The following PIAS1 variants were observed in gnomAD, a reference collection of about 807,000 sequenced individuals.
PIAS1 encodes the protein E3 SUMO-protein ligase PIAS1.
PIAS1 carries 6 observed loss-of-function variants against 71.3 expected under a neutral mutation model. The ratio of observed to expected loss-of-function variants is 0.08; its 90% CI spans 0.05 to 0.17. PIAS1 has a LOEUF of 0.17. Among genes scored for constraint, PIAS1 ranks in the 10% least tolerant of loss-of-function variants. The pLI is 1.00. For synonymous variants in PIAS1, 303 were observed against 292.9 expected (o/e 1.03, Z -0.35); for missense variants, 555 against 793.6 (o/e 0.70, Z 3.61).
intron 12 of PIAS1, among the ~76,000 whole-genome samples, chr15:68,183,071 C>T (rs1567081359): frequency 6.6e-6 from 1 of 152,216 alleles, no homozygotes; most frequent in Non-Finnish European, 1.5e-5. Context: ...AGCAGAACTA[C>T]TCCTTCTTAT....
chr15:68,145,668 C>A (rs2092803062), intron 4 of PIAS1, 148 bp from the exon 5 acceptor site: 1 of 574,826 alleles, frequency 1.7e-6, no homozygotes, highest in African/African-American at 1.9e-5. Context: ...TTTACATATA[C>A]TTATTAATAG....
intron 1 of PIAS1, among the ~76,000 whole-genome samples, chr15:68,081,462 G>A (rs1249965448): frequency 2.6e-5 from 4 of 152,048 alleles, no homozygotes; most frequent in Non-Finnish European, 5.9e-5. Context: ...GCACAGCCCA[G>A]GATTGTCTCT....
intron 2 of PIAS1, among the ~76,000 whole-genome samples, chr15:68,111,845 G>T (rs1193208574): frequency 6.6e-6 from 1 of 152,044 alleles, no homozygotes; most frequent in Non-Finnish European, 1.5e-5. Flanking sequence ...ATATAGAAAG[G>T]ACTGTTAGAA....
chr15:68,131,938 C>T (rs895242188), intron 2 of PIAS1, among the ~76,000 whole-genome samples: 8 of 150,304 alleles, frequency 5.3e-5, no homozygotes, highest in African/African-American at 1.7e-4. Context: ...CGTGGTGGCT[C>T]ATACCTGTAA....
intron 12 of PIAS1, among the ~76,000 whole-genome samples, chr15:68,182,024 T>C (rs1163412199): frequency 1.3e-5 from 2 of 152,310 alleles, no homozygotes; most frequent in South Asian, 2.1e-4. Flanking sequence ...ACAGGCATTG[T>C]GGGTAACTAT....
intron 1 of PIAS1, among the ~76,000 whole-genome samples, chr15:68,073,732 A>G (rs564630117): frequency 6.6e-6 from 1 of 152,286 alleles, no homozygotes; most frequent in African/African-American, 2.4e-5. Context: ...TACGGTGGTC[A>G]TGCTAAGGAG....
chr15:68,139,261 A>G (rs2092754022), intron 2 of PIAS1, among the ~76,000 whole-genome samples: 1 of 152,174 alleles, frequency 6.6e-6, no homozygotes, highest in Non-Finnish European at 1.5e-5. Context: ...TTGGGCTGCA[A>G]GCATTTTTAC....
At chr15:68,158,164 T>C (rs987643920) in intron 7 of PIAS1, among the ~76,000 whole-genome samples, 1 of 152,158 alleles carries the variant, frequency 6.6e-6, no homozygotes, top group Non-Finnish European at 1.5e-5. Flanking sequence ...ACACAAACTT[T>C]CCATCATGTG....
intron 2 of PIAS1, among the ~76,000 whole-genome samples, chr15:68,129,987 T>A (rs2092678908): frequency 6.6e-6 from 1 of 152,102 alleles, no homozygotes; most frequent in South Asian, 2.1e-4. Flanking sequence ...AATTTTTGTT[T>A]TTTACAGTGA....
chr15:68,117,745 T>C (rs2092578081), intron 2 of PIAS1, among the ~76,000 whole-genome samples: 1 of 152,256 alleles, frequency 6.6e-6, no homozygotes, highest in South Asian at 2.1e-4. Flanking sequence ...ATTTTCTTCA[T>C]CCATTCGTCT....
chr15:68,138,962 C>T (rs1031542449), intron 2 of PIAS1, among the ~76,000 whole-genome samples: 2 of 152,106 alleles, frequency 1.3e-5, no homozygotes, highest in Non-Finnish European at 2.9e-5. Flanking sequence ...TAGTTCAGTG[C>T]TGTGTGGCAT....
chr15:68,145,918 G>T lies in PIAS1; in HGVS notation c.693+12G>T. 1 of 1,520,114 alleles carries T rather than the reference G, an allele frequency of 6.6e-7. No homozygotes were observed. The highest frequency in any genetic ancestry group is 9.1e-7 in the Non-Finnish European group (1 of 1,095,370). 94.2% of individuals were successfully genotyped at this position (1,520,114 alleles called of 1,614,324 possible). On this transcript the variant is annotated intron_variant, in intron 5 of 13. Transcript: ENST00000249636. Reference sequence around the variant, plus strand: ...CTTGCAGCCTTCCAGTAAGTCCTAAGAGCTGTTTTTTAAAATTCATTGCCA... The same window carrying T: ...CTTGCAGCCTTCCAGTAAGTCCTAATAGCTGTTTTTTAAAATTCATTGCCA...
intron 1 of PIAS1, among the ~76,000 whole-genome samples, chr15:68,081,018 T>C (rs1195569677): frequency 1.3e-5 from 2 of 152,208 alleles, no homozygotes; most frequent in Admixed American, 1.3e-4. Flanking sequence ...ACAATAAAAC[T>C]GGCACTTTCT....
At chr15:68,087,194 G>A (rs916124433) in intron 2 of PIAS1, among the ~76,000 whole-genome samples, 1 of 152,086 alleles carries the variant, frequency 6.6e-6, no homozygotes, top group Non-Finnish European at 1.5e-5. Context: ...CTTGAGCTTT[G>A]ATGTATGCTA....
chr15:68,079,063 AGT>A lies in PIAS1; in HGVS notation c.25-7241_25-7240del, dbSNP rs2092200729. 1.3e-4 allele frequency among the ~76,000 whole-genome samples: 19 copies of A among 148,272 alleles called. No homozygotes were observed. In the South Asian group the frequency reaches 4.0e-3, roughly 31 times the overall value. On this transcript the variant is annotated intron_variant, in intron 1 of 13. Transcript: ENST00000249636. ...ATCCCTCTTTTTTTTTTTTTTTCAAAGTGAGAAAACAGAACCTGTAAGATTGT... is the reference window on the plus strand; with the variant it reads ...ATCCCTCTTTTTTTTTTTTTTTCAAAGAGAAAACAGAACCTGTAAGATTGT...
At chr15:68,065,915 C>CTTTT (rs869104577) in intron 1 of PIAS1, among the ~76,000 whole-genome samples, 1,333 of 40,170 alleles carry the variant, frequency 0.033, 382 homozygotes, top group Non-Finnish European at 0.038. Context: ...TGACTAAAAG[C>CTTTT]TTTTTTTTTT....
At chr15:68,127,911 C>T (rs760852060) in intron 2 of PIAS1, among the ~76,000 whole-genome samples, 6 of 151,956 alleles carry the variant, frequency 3.9e-5, no homozygotes, top group Non-Finnish European at 5.9e-5. Flanking sequence ...TACAGGTGCA[C>T]GCCACCACGC....
rs143285710 is a variant in PIAS1, at chr15:68,119,132, G to A, written c.470-22814G>A. On this transcript the variant is annotated intron_variant, in intron 2 of 13. Coordinates refer to ENST00000249636, the MANE Select transcript of PIAS1 (RefSeq NM_016166.3). The stretch of plus-strand genomic sequence containing the variant: ...AAACTGGGCAGGCCGGGGCATGGTG[G>A]CTCACACCTGTAATCCCAGCATTTC... Among the ~76,000 whole-genome samples, 68 of 144,274 alleles carry A rather than the reference G, an allele frequency of 4.7e-4. 2 individuals carry two copies. The East Asian group carries it at 0.014, about 31-fold the overall frequency. 94.6% of individuals were successfully genotyped at this position (144,274 alleles called of 152,430 possible).
At chr15:68,179,529 C>G (rs1197859355) in intron 11 of PIAS1, among the ~76,000 whole-genome samples, 1 of 141,890 alleles carries the variant, frequency 7.0e-6, no homozygotes, top group Non-Finnish European at 1.5e-5. Context: ...GAACTCTATT[C>G]CTAGAAATCC....
Sources: gnomAD v4.1 joint callset for allele counts (sites outside exome capture counted in the v4.1 genomes callset) on GRCh38, gnomAD v4.1.1 for gene constraint, MANE v1.5 for transcripts, NCBI Gene and HGNC (gene_info 2026-07-23, HGNC 2026-07-21) for gene names.